Variants in ZNG1A observed in about 807,000 individuals in gnomAD.
ZNG1A encodes zinc-regulated GTPase metalloprotein activator 1A.
the ZNG1A span, among the ~76,000 whole-genome samples, chr9:155,307 C>G: frequency 2.0e-5 from 3 of 150,168 alleles, no homozygotes; most frequent in Non-Finnish European, 3.0e-5. Flanking sequence ...TACTTCAGAG[C>G]TGGGCATGGT....
the ZNG1A span, chr9:147,585 G>T: frequency 7.1e-6 from 1 of 140,550 alleles, no homozygotes; most frequent in Admixed American, 6.8e-5. Context: ...TCAAATTCTG[G>T]GCATTTTAGA....
At chr9:160,875 C>T in the ZNG1A span, among the ~76,000 whole-genome samples, 55 of 150,602 alleles carry the variant, frequency 3.7e-4, 2 homozygotes, top group African/African-American at 1.3e-3. Flanking sequence ...TTTTTTGCTA[C>T]CTCCATAAGC....
At chr9:176,283 T>C in the ZNG1A span, among the ~76,000 whole-genome samples, 6 of 139,982 alleles carry the variant, frequency 4.3e-5, no homozygotes, top group East Asian at 1.2e-3. Context: ...TATGTCAATC[T>C]CCAGTAGAAA....
the ZNG1A span, among the ~76,000 whole-genome samples, chr9:130,475 A>C: frequency 2.5e-5 from 3 of 121,230 alleles, no homozygotes; most frequent in African/African-American, 9.7e-5. Flanking sequence ...TCTGTTGCCC[A>C]GGCTGGAGTA....
chr9:154,938 A>G, the ZNG1A span: 10 of 826,238 alleles, frequency 1.2e-5, no homozygotes, highest in East Asian at 2.4e-4. Context: ...AGAATTATCT[A>G]GTGCTCTATA....
the ZNG1A span, chr9:156,382 C>T: frequency 2.1e-6 from 3 of 1,451,908 alleles, no homozygotes; most frequent in Non-Finnish European, 2.8e-6. Flanking sequence ...TTTTCCTTGA[C>T]TATGTTTTAA....
chr9:161,803 C>T, the ZNG1A span: 1 of 469,714 alleles, frequency 2.1e-6, no homozygotes, highest in Non-Finnish European at 3.9e-6. Flanking sequence ...GTCTTTTACA[C>T]TTCATCTTAG....
chr9:163,509 T>C, the ZNG1A span, among the ~76,000 whole-genome samples: 7,533 of 150,586 alleles, frequency 0.05, 38 homozygotes, highest in African/African-American at 0.091. Context: ...TTTTAATCTA[T>C]ATGAACAAAG....
At chr9:169,302 G>C in the ZNG1A span, among the ~76,000 whole-genome samples, 3 of 147,626 alleles carry the variant, frequency 2.0e-5, no homozygotes, top group Non-Finnish European at 4.4e-5. Flanking sequence ...AGAATTAGAA[G>C]GGGAGTCTGA....
the ZNG1A span, among the ~76,000 whole-genome samples, chr9:156,710 A>C: frequency 1.3e-5 from 2 of 150,544 alleles, no homozygotes; most frequent in Non-Finnish European, 3.0e-5. Context: ...CCCCATTTGC[A>C]ATTTTTTTCT....
chr9:121,932 T>A, the ZNG1A span: 339 of 1,611,776 alleles, frequency 2.1e-4, 1 homozygote, highest in Non-Finnish European at 2.7e-4. Flanking sequence ...TTCACTTTGT[T>A]TTAAAACTGT....
the ZNG1A span, among the ~76,000 whole-genome samples, chr9:165,058 C>T: frequency 2.0e-5 from 3 of 152,172 alleles, no homozygotes; most frequent in Admixed American, 1.3e-4. Context: ...GAATCAATGT[C>T]TGTTCTTTTC....
At chr9:121,026 T>G in the ZNG1A span, 1 of 167,380 alleles carries the variant, frequency 6.0e-6, no homozygotes, top group Non-Finnish European at 1.3e-5. Context: ...GATCAGGTCG[T>G]CAACATCAAC....
At chr9:170,695 A>G in the ZNG1A span, among the ~76,000 whole-genome samples, 1 of 140,748 alleles carries the variant, frequency 7.1e-6, no homozygotes, top group East Asian at 2.0e-4. Flanking sequence ...CCCTACTTGT[A>G]TATCACAAAA....
the ZNG1A span, chr9:149,556 T>C: frequency 6.6e-6 from 1 of 151,130 alleles, no homozygotes. Context: ...TTCCTATTAT[T>C]ATAGAACTCT....
the ZNG1A span, chr9:146,679 G>A: frequency 6.9e-6 from 1 of 145,492 alleles, no homozygotes; most frequent in Admixed American, 7.0e-5. Context: ...GCTGCATGTA[G>A]GAAGAAAATT....
the ZNG1A span, among the ~76,000 whole-genome samples, chr9:130,021 T>A: frequency 3.3e-4 from 50 of 150,442 alleles, 2 homozygotes; most frequent in African/African-American, 1.1e-3. Flanking sequence ...TACTGAACAG[T>A]GTATGGAAAT....
the ZNG1A span, chr9:171,822 T>A: frequency 2.0e-6 from 1 of 489,024 alleles, no homozygotes. Flanking sequence ...TAACAACTTC[T>A]GTTCTTACAA....
the ZNG1A span, among the ~76,000 whole-genome samples, chr9:156,298 TAAGTAA>T: frequency 1.3e-5 from 2 of 151,494 alleles, no homozygotes; most frequent in Non-Finnish European, 2.9e-5. Context: ...AAAATGACTT[TAAGTAA>T]AAGTTTAGTT....
Sources: allele counts gnomAD v4.1 joint callset (sites outside exome capture counted in the v4.1 genomes callset), GRCh38; gene constraint gnomAD v4.1.1; transcripts MANE v1.5; gene names NCBI Gene and HGNC (gene_info 2026-07-23, HGNC 2026-07-21).